The following LTBP2 variants were observed in gnomAD, a reference collection of about 807,000 sequenced individuals.
LTBP2 encodes the protein latent transforming growth factor beta binding protein 2.
A neutral mutation model predicts 210.6 loss-of-function variants in LTBP2; 103 were observed. That is an observed-to-expected ratio of 0.49 (90% CI 0.42 to 0.58). LTBP2 has a LOEUF of 0.58. Ranked by LOEUF, LTBP2 falls within the 20% of genes least tolerant of loss-of-function variation. The pLI is 0.00. For synonymous variants in LTBP2, 1,007 were observed against 1,015.0 expected (o/e 0.99, Z 0.15); for missense variants, 2,313 against 2,494.5 (o/e 0.93, Z 1.55).
At chr14:74,546,630 T>C (rs1352276685) in intron 8 of LTBP2, among the ~76,000 whole-genome samples, 1 of 152,144 alleles carries the variant, frequency 6.6e-6, no homozygotes, top group Non-Finnish European at 1.5e-5. Flanking sequence ...CCATCTGGGA[T>C]GGGGCAGAGC....
At chr14:74,527,320 G>A (rs370967382) in intron 13 of LTBP2, 27 bp downstream of exon 13, 82 of 1,609,372 alleles carry the variant, frequency 5.1e-5, no homozygotes, top group Non-Finnish European at 5.9e-5. Context: ...ATGCTTGCCC[G>A]GCCCCCTAGT....
chr14:74,593,957 C>G (rs1188199496), intron 2 of LTBP2, among the ~76,000 whole-genome samples: 1 of 152,156 alleles, frequency 6.6e-6, no homozygotes, highest in Non-Finnish European at 1.5e-5. Flanking sequence ...TAGAATGGTA[C>G]CTGGCGCACA....
At chr14:74,506,389 C>T (rs2086985411) in intron 27 of LTBP2, among the ~76,000 whole-genome samples, 198 bp from the exon 28 acceptor site, 1 of 152,228 alleles carries the variant, frequency 6.6e-6, no homozygotes, top group South Asian at 2.1e-4. Context: ...TGGCAGCAAA[C>T]GGTCACAGAA....
At position 74,586,548 on chromosome 14, in the gene LTBP2, A is replaced by C. The variant is rs546687627; in HGVS notation, c.566-430T>G. Among the ~76,000 whole-genome samples, 12 of 152,308 alleles carry C rather than the reference A, an allele frequency of 7.9e-5. No homozygotes were observed. The highest frequency in any genetic ancestry group is 2.9e-4 in the African/African-American group (12 of 41,566). Reference sequence around the variant, plus strand: ...AAACATGGAGCGAATGGATGAATGAATCAGTCTCTTTTGCGGGAAAGGGCC... The same window carrying C: ...AAACATGGAGCGAATGGATGAATGACTCAGTCTCTTTTGCGGGAAAGGGCC... On this transcript the variant is annotated intron_variant, in intron 2 of 35. Coordinates refer to ENST00000261978, the MANE Select transcript of LTBP2 (RefSeq NM_000428.3). This position sits in a 1 kb window ranked among gnomAD's most constrained non-coding sequence, Gnocchi z 4.6.
At chr14:74,610,825 C>G (rs950984809) in intron 1 of LTBP2, among the ~76,000 whole-genome samples, 5 of 152,254 alleles carry the variant, frequency 3.3e-5, no homozygotes, top group African/African-American at 1.2e-4. Flanking sequence ...CAATTCTCCA[C>G]GCGCCCACTG....
chr14:74,556,229 A>T (rs2087726981), intron 3 of LTBP2, among the ~76,000 whole-genome samples: 1 of 152,230 alleles, frequency 6.6e-6, no homozygotes, highest in Admixed American at 6.5e-5. Flanking sequence ...TAATGTAACA[A>T]CAATATTCAA....
intron 2 of LTBP2, among the ~76,000 whole-genome samples, chr14:74,587,135 C>T (rs2088217558): frequency 6.6e-6 from 1 of 152,130 alleles, no homozygotes; most frequent in Non-Finnish European, 1.5e-5. Flanking sequence ...ATATGGAGTC[C>T]GGCCCCTCCC....
chr14:74,548,865 G>A (rs2087611949), intron 8 of LTBP2, among the ~76,000 whole-genome samples: 1 of 152,204 alleles, frequency 6.6e-6, no homozygotes, highest in Non-Finnish European at 1.5e-5. Context: ...AGCTGGGACT[G>A]GTACGTAGTA....
At chr14:74,540,830 A>ATATTATATATATTT (rs1555350191) in intron 8 of LTBP2, among the ~76,000 whole-genome samples, 1 of 68,646 alleles carries the variant, frequency 1.5e-5, no homozygotes, top group Non-Finnish European at 2.9e-5. Context: ...ATTTTTATAT[A>ATATTATATATATTT]ATATATATTT....
chr14:74,565,209 C>T (rs1049741300), intron 3 of LTBP2, among the ~76,000 whole-genome samples: 2 of 152,196 alleles, frequency 1.3e-5, no homozygotes, highest in African/African-American at 4.8e-5. Flanking sequence ...AGTCTTTTGT[C>T]CCCTAAGCTC....
intron 3 of LTBP2, among the ~76,000 whole-genome samples, chr14:74,582,926 C>A (rs1435037506): frequency 6.6e-6 from 1 of 152,242 alleles, no homozygotes; most frequent in Non-Finnish European, 1.5e-5. Flanking sequence ...TCCCATCTCT[C>A]CAGGCCCTTC....
chr14:74,504,837 C>T lies in LTBP2; in HGVS notation c.4394G>A (p.Ser1465Asn). ...TTCCACAGGAATGTAGCCTTTTCCA[C>T]TAGGGCAGATCTCGCTGAATTCAGC... ...DSAEFSEICP[S>N]GKGYIPVEGA... The change falls in exon 30 of 36, where the codon AGT becomes AAT. Residue 1465 changes from serine (S) to asparagine (N), a missense_variant. This residue lies in a region of LTBP2 where 443 missense variants were observed against 501.4 expected (regional missense o/e 0.88). Transcript: ENST00000261978. 1 of 1,614,258 alleles carries T rather than the reference C, an allele frequency of 6.2e-7. No individual in the cohort carries two copies. The highest frequency in any genetic ancestry group is 8.5e-7 in the Non-Finnish European group (1 of 1,180,042).
chr14:74,597,251 C>T (rs933231898), intron 2 of LTBP2, among the ~76,000 whole-genome samples: 4 of 152,160 alleles, frequency 2.6e-5, no homozygotes, highest in South Asian at 2.1e-4. Flanking sequence ...TGTCAATTGT[C>T]GGGCACAGTG....
rs747618479 is a variant in LTBP2 at position 74,506,180 on chromosome 14, A to G, written c.4045T>C (p.Cys1349Arg). 2 of 1,614,044 alleles carry G rather than the reference A, an allele frequency of 1.2e-6. No individual in the cohort carries two copies. Among genetic ancestry groups the G allele is most frequent in the South Asian group, 1.1e-5 (1 of 91,088 alleles). The change falls in exon 28 of 36, where the codon TGT (cysteine) becomes CGT (arginine). Residue 1349 changes from cysteine to arginine, a missense_variant. Physicochemically the swap from Cys to Arg is radical, Grantham distance 180. This residue lies in a region of LTBP2 where 1,867 missense variants were observed against 1,976.9 expected (regional missense o/e 0.94). Transcript: ENST00000261978. ...CCACATACCGCCAGCATAAGCTCAC[A>G]CTCGTTCACATCTGCCAGGTGTGAG... is the stretch of plus-strand genomic sequence containing the variant. ...SGWDCVDVNE[C>R]ELMLAVCGAA...
intron 2 of LTBP2, among the ~76,000 whole-genome samples, chr14:74,592,049 T>C (rs2088290421): frequency 6.6e-6 from 1 of 152,232 alleles, no homozygotes; most frequent in East Asian, 1.9e-4. Context: ...GAAACATTAC[T>C]GATGCATGAA....
At chr14:74,501,366 TC>T in intron 35 of LTBP2, 74 bp downstream of exon 35, 10 of 1,608,284 alleles carry the variant, frequency 6.2e-6, no homozygotes, top group South Asian at 1.1e-5. Context: ...CAGTGGCTCT[TC>T]CAGCCTTCCT....
intron 15 of LTBP2, among the ~76,000 whole-genome samples, chr14:74,523,400 A>G (rs1471081012): frequency 5.3e-5 from 8 of 151,980 alleles, no homozygotes; most frequent in Non-Finnish European, 1.2e-4. Context: ...CCACATTGAG[A>G]CTGGCCTGTA....
intron 19 of LTBP2, among the ~76,000 whole-genome samples, chr14:74,510,847 G>A (rs1193213060): frequency 6.6e-6 from 1 of 152,206 alleles, no homozygotes; most frequent in Admixed American, 6.5e-5. Context: ...GGAGCGCCCC[G>A]CTGTGCGGTG....
chr14:74,555,880 C>G (rs527629009), intron 3 of LTBP2, among the ~76,000 whole-genome samples, 187 bp from the exon 4 acceptor site: 1 of 152,198 alleles, frequency 6.6e-6, no homozygotes, highest in Non-Finnish European at 1.5e-5. Flanking sequence ...TAAGGCCTGC[C>G]GGCTAGTTTT....
Sources: allele counts gnomAD v4.1 joint callset (sites outside exome capture counted in the v4.1 genomes callset), GRCh38; gene constraint gnomAD v4.1.1; regional missense constraint gnomAD v4.1.1; non-coding constraint Gnocchi (gnomAD v3.1); transcripts MANE v1.5; gene names NCBI Gene and HGNC (gene_info 2026-07-23, HGNC 2026-07-21).